The following SEMA5A variants were observed in gnomAD, a reference collection of about 807,000 sequenced individuals.
SEMA5A encodes semaphorin 5A.
SEMA5A carries 55 observed loss-of-function variants against 135.5 expected under a neutral mutation model. That is an observed-to-expected ratio of 0.41 (90% CI 0.33 to 0.51). The LOEUF is 0.51. Ranked by LOEUF, SEMA5A falls within the 20% of genes least tolerant of loss-of-function variation. The probability of loss-of-function intolerance (pLI) is 0.37; values close to 1 mark genes in which losing one functional copy is unlikely to be tolerated. For synonymous variants in SEMA5A, 580 were observed against 546.5 expected, an observed-to-expected ratio of 1.06 and a Z score of -0.85; for missense variants, 1,290 against 1,419.9, an observed-to-expected ratio of 0.91 and a Z score of 1.47.
At chr5:9,415,424 G>A (rs1239995618) in intron 2 of SEMA5A, among the ~76,000 whole-genome samples, 1 of 152,104 alleles carries the variant, frequency 6.6e-6, no homozygotes, top group Non-Finnish European at 1.5e-5. Flanking sequence ...AGGAGGGACA[G>A]GAATCTAAAT....
At chr5:9,122,871 AG>A (rs1216868658) in intron 13 of SEMA5A, 34 bp from the exon 14 acceptor site, 1 of 1,545,162 alleles carries the variant, frequency 6.5e-7, no homozygotes, top group South Asian at 1.2e-5. Context: ...GTGTCAGAAA[AG>A]GTTAAAGCTG....
intron 5 of SEMA5A, chr5:9,265,336 T>C (rs932631739): frequency 9.2e-6 from 4 of 432,652 alleles, no homozygotes; most frequent in African/African-American, 6.0e-5. Flanking sequence ...GCCCAGTTCC[T>C]GCCTATCCAT....
intron 1 of SEMA5A, among the ~76,000 whole-genome samples, chr5:9,443,862 A>C (rs1265204652): frequency 6.6e-6 from 1 of 152,386 alleles, no homozygotes; most frequent in East Asian, 1.9e-4. Flanking sequence ...CAATTTGAAA[A>C]GGAAAAGCAA....
In SEMA5A at chr5:9,197,315, G is replaced by A. The variant is rs201615632; in HGVS notation, c.933-12C>T. 164 of 1,589,148 alleles carry A rather than the reference G, an allele frequency of 1.0e-4. No homozygotes were observed. Among genetic ancestry groups the A allele is most frequent in the Non-Finnish European group, 1.4e-4 (160 of 1,170,698 alleles). ...CCGCAATGCTGTTCCTGGGAGCGGA[G>A]GGAGAGAGAGAAGGCAGTCAGAGAG... On this transcript the variant is annotated splice_polypyrimidine_tract_variant and intron_variant, in intron 9 of 22. Coordinates refer to ENST00000382496, the MANE Select transcript of SEMA5A (RefSeq NM_003966.3).
chr5:9,514,697 A>G (rs181955023), intron 1 of SEMA5A, among the ~76,000 whole-genome samples: 1 of 152,352 alleles, frequency 6.6e-6, no homozygotes, highest in African/African-American at 2.4e-5. Flanking sequence ...TACAGATAGA[A>G]CCACCCTTTT....
At chr5:9,492,328 A>G (rs1268812876) in intron 1 of SEMA5A, among the ~76,000 whole-genome samples, 2 of 152,232 alleles carry the variant, frequency 1.3e-5, no homozygotes, top group African/African-American at 4.8e-5. Context: ...AACGTTCAGA[A>G]AGATTAAGAA....
chr5:9,116,751 T>C (rs769291388), intron 15 of SEMA5A, among the ~76,000 whole-genome samples: 10 of 152,362 alleles, frequency 6.6e-5, no homozygotes, highest in African/African-American at 1.7e-4. Flanking sequence ...TAGTCTTTTG[T>C]ATTCTCCCAT....
intron 11 of SEMA5A, among the ~76,000 whole-genome samples, chr5:9,181,161 C>A (rs905292768): frequency 2.2e-4 from 33 of 152,224 alleles, no homozygotes; most frequent in Admixed American, 1.9e-3. Flanking sequence ...CTGACCTCTG[C>A]CCCCAACCCT....
chr5:9,355,798 A>G (rs1216134531), intron 3 of SEMA5A, among the ~76,000 whole-genome samples: 1 of 152,192 alleles, frequency 6.6e-6, no homozygotes, highest in Non-Finnish European at 1.5e-5. Flanking sequence ...TGAGAGTTGG[A>G]AGAAAGATGT....
Position 9,398,649 on chromosome 5 carries a change from C to A in SEMA5A, c.-77-18626G>T, listed in dbSNP as rs1322168639. On this transcript the variant is annotated intron_variant, in intron 2 of 22. Transcript: ENST00000382496. ...TCAGGTACCAAGCCCTTCTGCCCTT[C>A]AGATGAAAAGTCTCTTCCATTTACC... is the stretch of plus-strand genomic sequence containing the variant. Among the ~76,000 whole-genome samples, 6 of 152,226 alleles carry A rather than the reference C, an allele frequency of 3.9e-5. No individual in the cohort carries two copies. The South Asian group carries it at 1.2e-3, about 32-fold the overall frequency.
chr5:9,065,235 C>A (rs2150070887), intron 17 of SEMA5A, among the ~76,000 whole-genome samples: 1 of 152,332 alleles, frequency 6.6e-6, no homozygotes, highest in Middle Eastern at 3.4e-3. Flanking sequence ...AAGCAAGTGG[C>A]TCCTGCTGCA....
Position 9,309,924 on chromosome 5 carries a change from G to GAAAT in SEMA5A, c.270+8447_270+8448insATTT, listed in dbSNP as rs6148905. On this transcript the variant is annotated intron_variant, in intron 5 of 22. Transcript: ENST00000382496. Reference sequence around the variant, plus strand: ...GATATAAGAGCCTAGAATCTGAGGAGGACCGTTGGTAACGCTGTCTCAGGT... The same window carrying GAAAT: ...GATATAAGAGCCTAGAATCTGAGGAGAAATGACCGTTGGTAACGCTGTCTCAGGT... 5.4e-3 allele frequency among the ~76,000 whole-genome samples: 821 copies of GAAAT among 152,214 alleles called. 7 individuals carry two copies. The highest frequency in any genetic ancestry group is 9.4e-3 in the Non-Finnish European group (638 of 67,974).
In SEMA5A at chr5:9,122,742, A is replaced by G. The variant is rs759766411; in HGVS notation, c.1695T>C (p.Cys565=). The G allele has an allele frequency of 3.1e-6, 5 of 1,613,626 alleles. No individual in the cohort carries two copies. Among genetic ancestry groups the G allele is most frequent in the Admixed American group, 3.3e-5 (2 of 59,994 alleles). Residue 565 remains cysteine (C), a synonymous_variant, in exon 14 of 23, where the codon TGT becomes TGC. Transcript: ENST00000382496. ...TDGSAVGSCL[C]RTRSCDSPAP... ...CCGGGCTGTCGCAGGAGCGGGTTCG[A>G]CAGAGGCAGGATCCCACGGCGCTGC...
chr5:9,379,030 A>G (rs971003751), intron 3 of SEMA5A, among the ~76,000 whole-genome samples: 7 of 152,254 alleles, frequency 4.6e-5, no homozygotes, highest in African/African-American at 4.8e-5. Context: ...TGAATTGATA[A>G]GTGTGGGGCT....
chr5:9,543,162 C>T (rs746280274), intron 1 of SEMA5A, among the ~76,000 whole-genome samples: 3 of 152,176 alleles, frequency 2.0e-5, no homozygotes, highest in Non-Finnish European at 4.4e-5. Context: ...GCACACGGTA[C>T]AGAGAAAGGC....
chr5:9,243,224 G>T (rs1748301302), intron 5 of SEMA5A, among the ~76,000 whole-genome samples: 1 of 152,134 alleles, frequency 6.6e-6, no homozygotes, highest in Admixed American at 6.5e-5. Context: ...CAATCTGTCT[G>T]GGCCCCTCTC....
intron 1 of SEMA5A, among the ~76,000 whole-genome samples, chr5:9,487,045 T>C (rs894212005): frequency 2.7e-5 from 4 of 150,796 alleles, no homozygotes; most frequent in African/African-American, 9.8e-5. Context: ...AGAAAATGCA[T>C]ACAAACAAAA....
chr5:9,080,897 G>A (rs955703114), intron 16 of SEMA5A, among the ~76,000 whole-genome samples: 3 of 152,160 alleles, frequency 2.0e-5, no homozygotes, highest in African/African-American at 7.2e-5. Flanking sequence ...CCACCACCTG[G>A]GTGTCATGCT....
At position 9,382,746 on chromosome 5, in the gene SEMA5A, C is replaced by A. The variant is rs533527755; in HGVS notation, c.-77-2723G>T. Among the ~76,000 whole-genome samples the A allele has an allele frequency of 1.5e-4, 23 of 152,086 alleles. 1 individual carries two copies. Among genetic ancestry groups the A allele is most frequent in the Admixed American group, 1.0e-3 (16 of 15,282 alleles). On this transcript the variant is annotated intron_variant, in intron 2 of 22. Transcript: ENST00000382496. The stretch of plus-strand genomic sequence containing the variant: ...TGCATGTATGAATTTGCAAAGGAAC[C>A]AAGAAGCATGAGGTAAGGCCTATTG...
Sources: allele counts gnomAD v4.1 joint callset (sites outside exome capture counted in the v4.1 genomes callset), GRCh38; gene constraint gnomAD v4.1.1; transcripts MANE v1.5; gene names NCBI Gene and HGNC (gene_info 2026-07-23, HGNC 2026-07-21).